PCDHGA3: variants seen among roughly 807,000 people sequenced by gnomAD.
The protein encoded by PCDHGA3 is protocadherin gamma-A3.
A neutral mutation model predicts 58.5 loss-of-function variants in PCDHGA3; 40 were observed. The ratio of observed to expected loss-of-function variants is 0.68; its 90% confidence interval spans 0.53 to 0.89. The LOEUF is 0.89. PCDHGA3 is among the 40% of genes least tolerant of loss of function. The probability of loss-of-function intolerance (pLI) is 0.00; values close to 1 mark genes in which losing one functional copy is unlikely to be tolerated. For missense variants in PCDHGA3, 1,223 were observed against 1,195.9 expected (o/e 1.02, Z -0.33); for synonymous variants, 530 against 525.7 (o/e 1.01, Z -0.11).
rs11575954 is a variant in PCDHGA3 at position 141,376,006 on chromosome 5, C to A, written c.2424+29549C>A. 8.7e-3 allele frequency: 14,039 copies of A among 1,613,452 alleles called. 99 individuals carry two copies. Among genetic ancestry groups the A allele is most frequent in the Middle Eastern group, 0.011 (63 of 5,814 alleles). ...TGGACAGAGACGCGCTCAAGCAGAGCCTAGTGGTGGCCGTCCAGGACCACG... is the reference window on the plus strand; with the variant it reads ...TGGACAGAGACGCGCTCAAGCAGAGACTAGTGGTGGCCGTCCAGGACCACG... On this transcript the variant is annotated intron_variant, in intron 1 of 3. Transcript: ENST00000253812.
Position 141,345,556 on chromosome 5 carries a change from A to G in PCDHGA3, c.1523A>G (p.Asn508Ser). 4 of 1,613,938 alleles carry G rather than the reference A, an allele frequency of 2.5e-6. No homozygotes were observed. The highest frequency in any genetic ancestry group is 2.2e-5 in the East Asian group (1 of 44,878). The change falls in exon 1 of 4, where the codon AAC (asparagine) becomes AGC (serine). Residue 508 changes from asparagine (N) to serine (S), a missense_variant. Asn to Ser is a conservative substitution (Grantham distance 46, BLOSUM62 1). This residue lies in a region of PCDHGA3 where 791 missense variants were observed against 708.5 expected (regional missense o/e 1.12). Transcript: ENST00000253812. ...CCCCTGTCCTCCTTCGTCTCTATCA[A>G]CTCCAACACTGGCGTCCTATACGCG... Reference protein sequence around the residue: ...GAPLSSFVSINSNTGVLYALR... With the variant: ...GAPLSSFVSISSNTGVLYALR...
intron 3 of PCDHGA3, among the ~76,000 whole-genome samples, chr5:141,508,841 C>A (rs969875150): frequency 6.6e-6 from 1 of 152,140 alleles, no homozygotes; most frequent in East Asian, 1.9e-4. Context: ...TCCCCTACCC[C>A]TTCCATTCCC....
chr5:141,501,162 C>T (rs922957843), intron 2 of PCDHGA3, among the ~76,000 whole-genome samples: 1 of 152,134 alleles, frequency 6.6e-6, no homozygotes, highest in Non-Finnish European at 1.5e-5. Context: ...CCACCATCCC[C>T]AGCCTCATTT....
intron 1 of PCDHGA3, among the ~76,000 whole-genome samples, chr5:141,444,482 T>G (rs1346576719): frequency 6.6e-6 from 1 of 152,000 alleles, no homozygotes; most frequent in Non-Finnish European, 1.5e-5. Context: ...CGTACTGGAT[T>G]TATATTGTGT....
chr5:141,463,359 T>C (rs2099057442), intron 1 of PCDHGA3, among the ~76,000 whole-genome samples: 2 of 151,672 alleles, frequency 1.3e-5, no homozygotes, highest in Admixed American at 6.6e-5. Flanking sequence ...GGATTTCCCC[T>C]TTCCTGCCCC....
intron 1 of PCDHGA3, among the ~76,000 whole-genome samples, chr5:141,461,345 G>A (rs1277222105): frequency 1.3e-5 from 2 of 152,102 alleles, no homozygotes; most frequent in African/African-American, 4.8e-5. Context: ...CAGGACCAAG[G>A]TGGTAGCTCG....
At chr5:141,424,720 G>A (rs530298674) in intron 1 of PCDHGA3, 4 of 152,090 alleles carry the variant, frequency 2.6e-5, no homozygotes, top group Non-Finnish European at 4.4e-5. Flanking sequence ...GTGTAGTTGG[G>A]AGTCATAGAT....
intron 1 of PCDHGA3, chr5:141,394,313 C>T (rs2092972755): frequency 1.2e-6 from 2 of 1,614,022 alleles, no homozygotes; most frequent in East Asian, 2.2e-5. Flanking sequence ...AGGGGGCGCC[C>T]CTGTCCTCGT....
intron 1 of PCDHGA3, among the ~76,000 whole-genome samples, chr5:141,436,010 A>G (rs1188507054): frequency 6.6e-6 from 1 of 152,168 alleles, no homozygotes; most frequent in Non-Finnish European, 1.5e-5. Context: ...AAGTATTTGA[A>G]TTTATCTAAA....
At chr5:141,483,329 A>C (rs1463046335) in intron 1 of PCDHGA3, among the ~76,000 whole-genome samples, 3 of 152,182 alleles carry the variant, frequency 2.0e-5, no homozygotes, top group Non-Finnish European at 2.9e-5. Flanking sequence ...GGAGGCAAAG[A>C]GATCTTATCT....
chr5:141,435,467 G>A (rs1019246812), intron 1 of PCDHGA3, among the ~76,000 whole-genome samples: 3 of 152,146 alleles, frequency 2.0e-5, no homozygotes, highest in Non-Finnish European at 2.9e-5. Context: ...GTGTTTCCAA[G>A]TTAGACATTT....
chr5:141,460,909 G>GGTGT (rs548378036), intron 1 of PCDHGA3, among the ~76,000 whole-genome samples: 1 of 123,246 alleles, frequency 8.1e-6, no homozygotes, highest in African/African-American at 3.7e-5. Flanking sequence ...AATATTCCAT[G>GGTGT]GTGTATATAT....
At chr5:141,506,699 C>T (rs758682427) in intron 3 of PCDHGA3, among the ~76,000 whole-genome samples, 2 of 152,094 alleles carry the variant, frequency 1.3e-5, no homozygotes, top group Non-Finnish European at 2.9e-5. Flanking sequence ...GACCCAAACC[C>T]GTTTTTTACT....
Position 141,477,148 on chromosome 5 carries a change from T to A in PCDHGA3, c.2425-17659T>A. 1 of 1,614,172 alleles carries A rather than the reference T, an allele frequency of 6.2e-7. No individual in the cohort carries two copies. Among genetic ancestry groups the A allele is most frequent in the African/African-American group, 1.3e-5 (1 of 75,050 alleles). On this transcript the variant is annotated intron_variant, in intron 1 of 3. Transcript: ENST00000253812. This position sits in a 1 kb window ranked among gnomAD's most constrained non-coding sequence, Gnocchi z 4.9. ...GCAAAGTGTTGGTGGAGGTTGTGGA[T>A]GTGAATGACAACGCCCCGGAGATCA...
chr5:141,345,131 T>A lies in PCDHGA3; in HGVS notation c.1098T>A (p.Ile366=). 2 of 1,613,990 alleles carry A rather than the reference T, an allele frequency of 1.2e-6. No homozygotes were observed. Among genetic ancestry groups the A allele is most frequent in the Admixed American group, 1.7e-5 (1 of 60,026 alleles). The change falls in exon 1 of 4, where the codon ATT becomes ATA. Residue 366 remains isoleucine, a synonymous_variant. Coordinates refer to ENST00000253812, the MANE Select transcript of PCDHGA3 (RefSeq NM_018916.4). ...VPEEGTVGRE[I]ALIDVHDRDS... ...AAGAGGGCACCGTTGGAAGAGAAAT[T>A]GCTCTTATCGACGTGCATGACCGAG...
intron 2 of PCDHGA3, among the ~76,000 whole-genome samples, chr5:141,502,725 G>A (rs1020846462): frequency 2.0e-5 from 3 of 152,150 alleles, no homozygotes; most frequent in Non-Finnish European, 4.4e-5. Context: ...ATTACAAAGC[G>A]GTGATGTTCT....
rs764586891 is a variant in PCDHGA3, at chr5:141,477,616, A to G, written c.2425-17191A>G. On this transcript the variant is annotated intron_variant, in intron 1 of 3. Coordinates refer to ENST00000253812, the MANE Select transcript of PCDHGA3 (RefSeq NM_018916.4). This position sits in a 1 kb window ranked among gnomAD's most constrained non-coding sequence, Gnocchi z 4.9. ...TTTCTTTCTTTCTCTTGGAGCAAGGAGCTGAAACCGGGCTAGTGGGTCGCT... is the reference window on the plus strand; with the variant it reads ...TTTCTTTCTTTCTCTTGGAGCAAGGGGCTGAAACCGGGCTAGTGGGTCGCT... The G allele has an allele frequency of 1.2e-6, 2 of 1,614,068 alleles. No individual in the cohort carries two copies. Among genetic ancestry groups the G allele is most frequent in the African/African-American group, 2.7e-5 (2 of 74,924 alleles).
At position 141,489,800 on chromosome 5, in the gene PCDHGA3, A is replaced by T. The variant is rs2099692478; in HGVS notation, c.2425-5007A>T. 1 of 1,614,166 alleles carries T rather than the reference A, an allele frequency of 6.2e-7. No homozygotes were observed. Among genetic ancestry groups the T allele is most frequent in the Non-Finnish European group, 8.5e-7 (1 of 1,179,994 alleles). On this transcript the variant is annotated intron_variant, in intron 1 of 3. Coordinates refer to ENST00000253812, the MANE Select transcript of PCDHGA3 (RefSeq NM_018916.4). This position sits in a 1 kb window ranked among gnomAD's most constrained non-coding sequence, Gnocchi z 4.5. ...TCTCTGAATGTGAAGACCCTAAAAG[A>T]TGGGAAGCCATTCCCAGAGCTGGTG...
intron 1 of PCDHGA3, chr5:141,426,946 C>A (rs565370434): frequency 2.2e-6 from 1 of 456,786 alleles, no homozygotes; most frequent in South Asian, 1.5e-5. Flanking sequence ...CCAGTCCCAA[C>A]TGGCACTGCT....
Sources: gnomAD v4.1 joint callset for allele counts (sites outside exome capture counted in the v4.1 genomes callset) on GRCh38, gnomAD v4.1.1 for gene constraint, gnomAD v4.1.1 regional missense constraint, Gnocchi (gnomAD v3.1) non-coding constraint, MANE v1.5 for transcripts, NCBI Gene and HGNC (gene_info 2026-07-23, HGNC 2026-07-21) for gene names.